The following KLHDC1 variants were observed in gnomAD, a reference collection of about 807,000 sequenced individuals.
KLHDC1 encodes kelch domain-containing protein 1.
A neutral mutation model predicts 68.3 loss-of-function variants in KLHDC1; 53 were observed. The ratio of observed to expected loss-of-function variants is 0.78; its 90% CI spans 0.62 to 0.98. The LOEUF (loss-of-function observed/expected upper bound fraction) is 0.98, where lower values mean the gene tolerates loss of function less well. Ranked by LOEUF, KLHDC1 falls within the 50% of genes least tolerant of loss-of-function variation. The pLI is 0.00. For missense variants in KLHDC1, 470 were observed against 492.3 expected, an observed-to-expected ratio of 0.95 and a Z score of 0.43; for synonymous variants, 148 against 159.0, an observed-to-expected ratio of 0.93 and a Z score of 0.52.
chr14:49,722,716 T>C (rs1326384949), intron 4 of KLHDC1, among the ~76,000 whole-genome samples: 1 of 152,098 alleles, frequency 6.6e-6, no homozygotes, highest in Non-Finnish European at 1.5e-5. Flanking sequence ...CTCACAATTA[T>C]GGCAGAAAGT....
At chr14:49,695,115 G>GGT (rs753979963) in intron 1 of KLHDC1, among the ~76,000 whole-genome samples, 11 of 22,924 alleles carry the variant, frequency 4.8e-4, no homozygotes, top group African/African-American at 1.4e-3. Flanking sequence ...ATGCAGTTTT[G>GGT]ATGTGTGTGT....
chr14:49,701,878 AC>A (rs1338794074), intron 1 of KLHDC1, among the ~76,000 whole-genome samples: 1 of 151,316 alleles, frequency 6.6e-6, no homozygotes, highest in Non-Finnish European at 1.5e-5. Flanking sequence ...TACTAAAAAT[AC>A]AAAAATTAGC....
chr14:49,727,599 T>C (rs1452756704), intron 6 of KLHDC1, among the ~76,000 whole-genome samples: 1 of 152,174 alleles, frequency 6.6e-6, no homozygotes, highest in East Asian at 1.9e-4. Flanking sequence ...AGGCAATAAA[T>C]TTCAGATTTC....
At chr14:49,713,880 T>A (rs1217264845) in intron 4 of KLHDC1, among the ~76,000 whole-genome samples, 1 of 114,976 alleles carries the variant, frequency 8.7e-6, no homozygotes, top group African/African-American at 3.3e-5. Context: ...TGAGACAGAG[T>A]CTCACTCTGT....
chr14:49,734,308 AATGATG>A (rs1165275944), intron 9 of KLHDC1, among the ~76,000 whole-genome samples: 1 of 152,192 alleles, frequency 6.6e-6, no homozygotes, highest in Non-Finnish European at 1.5e-5. Context: ...GTATGGAGAA[AATGATG>A]TGAGATCTAG....
intron 4 of KLHDC1, among the ~76,000 whole-genome samples, chr14:49,716,624 T>A (rs1013235560): frequency 1.4e-4 from 21 of 152,202 alleles, no homozygotes; most frequent in African/African-American, 5.1e-4. Flanking sequence ...CCTCAGGTGA[T>A]CCGCGCACCT....
chr14:49,746,950 CT>C lies in KLHDC1; in HGVS notation c.1034+3162del, dbSNP rs527399327. ...CACCCTTCCAGTTTTAGCTTTCTCTCTTTTTTTTTTTTTTTTTGAGACGGAG... is the reference window on the plus strand; with the variant it reads ...CACCCTTCCAGTTTTAGCTTTCTCTCTTTTTTTTTTTTTTTTGAGACGGAG... On this transcript the variant is annotated intron_variant, in intron 12 of 12. Coordinates refer to ENST00000359332, the MANE Select transcript of KLHDC1 (RefSeq NM_172193.3). Among the ~76,000 whole-genome samples the C allele has an allele frequency of 6.5e-3, 900 of 139,066 alleles. 6 individuals are homozygous for C. Among genetic ancestry groups the C allele is most frequent in the African/African-American group, 0.018 (679 of 38,040 alleles). 91.2% of individuals were successfully genotyped at this position (139,066 alleles called of 152,430 possible). A position where few individuals can be genotyped will look rare whatever the true frequency, so the allele number is the denominator to read the frequency against.
chr14:49,749,104 A>G (rs948757799), intron 12 of KLHDC1, among the ~76,000 whole-genome samples: 3 of 152,092 alleles, frequency 2.0e-5, no homozygotes, highest in Non-Finnish European at 4.4e-5. Flanking sequence ...CAGCAGAGAG[A>G]GATTTTATAT....
At chr14:49,727,254 C>CAA (rs201626506) in intron 6 of KLHDC1, among the ~76,000 whole-genome samples, 18 of 139,424 alleles carry the variant, frequency 1.3e-4, no homozygotes, top group African/African-American at 3.1e-4. Context: ...CCGTCTGTAC[C>CAA]AAAAAAAAAA....
chr14:49,694,477 T>G (rs146139342), intron 1 of KLHDC1, among the ~76,000 whole-genome samples: 162 of 152,270 alleles, frequency 1.1e-3, no homozygotes, highest in African/African-American at 3.8e-3. Flanking sequence ...TCATACGAAT[T>G]TTTTTGGTAT....
At chr14:49,727,028 T>C (rs1216180954) in intron 6 of KLHDC1, among the ~76,000 whole-genome samples, 2 of 152,018 alleles carry the variant, frequency 1.3e-5, no homozygotes, top group African/African-American at 4.8e-5. Flanking sequence ...GCAGATTGCC[T>C]GAGCTCAGAA....
At chr14:49,701,017 A>G (rs1887889714) in intron 1 of KLHDC1, among the ~76,000 whole-genome samples, 2 of 151,744 alleles carry the variant, frequency 1.3e-5, no homozygotes, top group Admixed American at 6.6e-5. Flanking sequence ...TGGGAGGCAG[A>G]GGTTGCATGA....
intron 4 of KLHDC1, among the ~76,000 whole-genome samples, chr14:49,712,783 A>G (rs1888240424): frequency 6.6e-6 from 1 of 151,830 alleles, no homozygotes; most frequent in Non-Finnish European, 1.5e-5. Flanking sequence ...GATTACAGGC[A>G]TGAGCCGCCA....
chr14:49,749,975 G>T (rs920342968), intron 12 of KLHDC1, among the ~76,000 whole-genome samples: 3 of 152,190 alleles, frequency 2.0e-5, no homozygotes, highest in Admixed American at 2.0e-4. Flanking sequence ...CAGGAGAATC[G>T]CTTGAACCCA....
At chr14:49,721,458 A>C (rs1888523672) in intron 4 of KLHDC1, among the ~76,000 whole-genome samples, 1 of 152,064 alleles carries the variant, frequency 6.6e-6, no homozygotes, top group Non-Finnish European at 1.5e-5. Flanking sequence ...TTTTTAAATT[A>C]TATGCCAGAT....
intron 12 of KLHDC1, among the ~76,000 whole-genome samples, chr14:49,746,283 G>A (rs1011436128): frequency 6.6e-6 from 1 of 152,136 alleles, no homozygotes; most frequent in Non-Finnish European, 1.5e-5. Flanking sequence ...AAGAGGTCTG[G>A]GCCAGACATA....
At chr14:49,698,263 G>A (rs1327729306) in intron 1 of KLHDC1, among the ~76,000 whole-genome samples, 2 of 152,164 alleles carry the variant, frequency 1.3e-5, no homozygotes, top group African/African-American at 4.8e-5. Context: ...GAGTGCAGTG[G>A]CACGATCTCG....
intron 1 of KLHDC1, among the ~76,000 whole-genome samples, chr14:49,707,262 T>C (rs1297807299): frequency 2.7e-5 from 4 of 150,416 alleles, no homozygotes; most frequent in Non-Finnish European, 5.9e-5. Flanking sequence ...TACAACGCTT[T>C]TCTATTTTTA....
At chr14:49,706,087 A>C (rs921087657) in intron 1 of KLHDC1, among the ~76,000 whole-genome samples, 3 of 152,048 alleles carry the variant, frequency 2.0e-5, no homozygotes, top group African/African-American at 7.2e-5. Flanking sequence ...TATTCTTTCT[A>C]ACTATTTTTT....
Sources: gnomAD v4.1 joint callset for allele counts (sites outside exome capture counted in the v4.1 genomes callset) on GRCh38, gnomAD v4.1.1 for gene constraint, MANE v1.5 for transcripts, NCBI Gene and HGNC (gene_info 2026-07-23, HGNC 2026-07-21) for gene names.